Variants in TRAPPC8 observed in about 807,000 individuals in gnomAD.
The protein encoded by TRAPPC8 is trafficking protein particle complex subunit 8.
In TRAPPC8, 54 loss-of-function variants were observed where a neutral mutation model predicts 174.3. The observed-to-expected ratio is 0.31, with a 90% CI of 0.25 to 0.39. The LOEUF (loss-of-function observed/expected upper bound fraction) is 0.39. Ranked by LOEUF, TRAPPC8 falls within the 10% of genes least tolerant of loss-of-function variation. The probability of loss-of-function intolerance (pLI) is 1.00; values close to 1 mark genes in which losing one functional copy is unlikely to be tolerated. For missense variants in TRAPPC8, 1,531 were observed against 1,699.1 expected, an observed-to-expected ratio of 0.90 and a Z score of 1.74; for synonymous variants, 630 against 579.9, an observed-to-expected ratio of 1.09 and a Z score of -1.24.
At chr18:31,863,402 T>TAC (rs1358539585) in intron 19 of TRAPPC8, among the ~76,000 whole-genome samples, 1 of 152,188 alleles carries the variant, frequency 6.6e-6, no homozygotes, top group African/African-American at 2.4e-5. Flanking sequence ...ACAAAATATA[T>TAC]ACATGATATT....
intron 1 of TRAPPC8, among the ~76,000 whole-genome samples, chr18:31,941,745 T>C (rs761355043): frequency 6.6e-6 from 1 of 152,202 alleles, no homozygotes; most frequent in Non-Finnish European, 1.5e-5. Flanking sequence ...CACAGGCTTA[T>C]TATGAAACCC....
chr18:31,869,741 G>A (rs1405594829), intron 16 of TRAPPC8, among the ~76,000 whole-genome samples: 2 of 152,140 alleles, frequency 1.3e-5, no homozygotes, highest in East Asian at 3.8e-4. Context: ...AATGTAAAAA[G>A]CAACATACAC....
intron 5 of TRAPPC8, among the ~76,000 whole-genome samples, chr18:31,910,675 G>T (rs141869200): frequency 6.6e-6 from 1 of 152,294 alleles, no homozygotes; most frequent in East Asian, 1.9e-4. Flanking sequence ...GTCAACAGAC[G>T]CAGTCATTCG....
chr18:31,849,620 C>G lies in TRAPPC8; in HGVS notation c.3681G>C (p.Val1227=). The change falls in exon 25 of 29, where the codon GTG becomes GTC. Residue 1227 remains valine, a synonymous_variant. Coordinates refer to ENST00000283351, the MANE Select transcript of TRAPPC8 (RefSeq NM_014939.5). ...HTEKQSTEDA[V]RLIQKCSEVD... ...CCTCACTGCATTTTTGAATCAATCT[C>G]ACAGCATCCTCTGTTGACTGTTTTT... is the stretch of plus-strand genomic sequence containing the variant. The G allele has an allele frequency of 6.2e-7, 1 of 1,612,750 alleles. No homozygotes were observed. The highest frequency in any genetic ancestry group is 8.5e-7 in the Non-Finnish European group (1 of 1,179,540).
Position 31,907,429 on chromosome 18 carries a change from T to TTAAGGAATTA in TRAPPC8, c.1389+21_1389+30dup, listed in dbSNP as rs538109378. On this transcript the variant is annotated intron_variant, in intron 9 of 28. Coordinates refer to ENST00000283351, the MANE Select transcript of TRAPPC8 (RefSeq NM_014939.5). ...TTCTAAATAATTTATGGTAGCAGAA[T>TTAAGGAATTA]TAAGGAATTATAATACCATAGAATA... The TTAAGGAATTA allele has an allele frequency of 2.0e-6, 3 of 1,530,624 alleles. No individual in the cohort carries two copies. In the African/African-American group the frequency reaches 4.2e-5, roughly 21 times the overall value. 94.8% of individuals were successfully genotyped at this position (1,530,624 alleles called of 1,614,324 possible). A position where few individuals can be genotyped will look rare whatever the true frequency, so the allele number is the denominator to read the frequency against.
intron 1 of TRAPPC8, among the ~76,000 whole-genome samples, chr18:31,940,286 C>T (rs568689150): frequency 1.3e-5 from 2 of 151,866 alleles, no homozygotes; most frequent in South Asian, 4.2e-4. Flanking sequence ...ACCAGCCTGG[C>T]CAACATGGTG....
In TRAPPC8 at chr18:31,874,546, A is replaced by T; in HGVS notation, c.1887T>A (p.Ile629=). The change falls in exon 13 of 29, where the codon ATT becomes ATA. Residue 629 remains isoleucine, a synonymous_variant. Coordinates refer to ENST00000283351, the MANE Select transcript of TRAPPC8 (RefSeq NM_014939.5). ...GAGCAGCAGATTGTTTACTTTCATT[A>T]ATTAGAATATGCCTAAAAGCAGACA... is the stretch of plus-strand genomic sequence containing the variant. The part of the protein sequence containing the change: ...NAVSAFRHIL[I]NESKQSAAQQ... 1 of 1,614,162 alleles carries T rather than the reference A, an allele frequency of 6.2e-7. No individual in the cohort carries two copies.
chr18:31,911,979 T>C (rs942569714), intron 5 of TRAPPC8, among the ~76,000 whole-genome samples: 2 of 152,014 alleles, frequency 1.3e-5, no homozygotes, highest in Admixed American at 6.6e-5. Flanking sequence ...CGGCATACTA[T>C]TGTACCTTAG....
At chr18:31,891,571 A>C (rs2035955830) in intron 11 of TRAPPC8, among the ~76,000 whole-genome samples, 1 of 152,160 alleles carries the variant, frequency 6.6e-6, no homozygotes, top group Non-Finnish European at 1.5e-5. Context: ...CTTAAGACAA[A>C]TCTTTTGACT....
At chr18:31,888,568 A>T (rs1003112103) in intron 12 of TRAPPC8, among the ~76,000 whole-genome samples, 3 of 152,222 alleles carry the variant, frequency 2.0e-5, no homozygotes, top group African/African-American at 7.2e-5. Context: ...ACATACACAC[A>T]ATGGAATACT....
chr18:31,901,811 G>A (rs935774869), intron 9 of TRAPPC8, among the ~76,000 whole-genome samples: 2 of 152,176 alleles, frequency 1.3e-5, no homozygotes, highest in Admixed American at 6.5e-5. Context: ...TCCTTTGGGC[G>A]TCTACGTGAA....
At chr18:31,874,757 G>A in intron 12 of TRAPPC8, 53 bp from the exon 13 acceptor site, 1 of 1,486,540 alleles carries the variant, frequency 6.7e-7, no homozygotes, top group Non-Finnish European at 9.1e-7. Flanking sequence ...GTTTGAACTA[G>A]AAAAAACAAA....
chr18:31,901,927 C>T (rs1397977604), intron 9 of TRAPPC8, among the ~76,000 whole-genome samples: 1 of 152,144 alleles, frequency 6.6e-6, no homozygotes, highest in African/African-American at 2.4e-5. Flanking sequence ...TTTATTTTGT[C>T]CAGATTTTTT....
chr18:31,860,927 G>A (rs187948188), intron 19 of TRAPPC8, among the ~76,000 whole-genome samples: 58 of 152,214 alleles, frequency 3.8e-4, no homozygotes, highest in Admixed American at 6.5e-4. Flanking sequence ...TGAAAGTATA[G>A]CTTTTATCTG....
chr18:31,895,818 GTC>G (rs1167989501), intron 11 of TRAPPC8: 3 of 152,220 alleles, frequency 2.0e-5, no homozygotes, highest in African/African-American at 7.2e-5. Flanking sequence ...CAAATAGTTT[GTC>G]TGTTATCTGT....
At chr18:31,901,473 T>C (rs2036423111) in intron 9 of TRAPPC8, among the ~76,000 whole-genome samples, 1 of 152,202 alleles carries the variant, frequency 6.6e-6, no homozygotes, top group African/African-American at 2.4e-5. Flanking sequence ...CTTTCTACTT[T>C]CCAATTTCTG....
chr18:31,875,411 AGCCTGCCT>A (rs140528791), intron 12 of TRAPPC8, among the ~76,000 whole-genome samples: 4 of 151,396 alleles, frequency 2.6e-5, no homozygotes, highest in Non-Finnish European at 2.9e-5. Flanking sequence ...TGCTGATCCC[AGCCTGCCT>A]GCCTGCCTGC....
chr18:31,908,082 A>C (rs1271047492), intron 8 of TRAPPC8, among the ~76,000 whole-genome samples: 1 of 152,210 alleles, frequency 6.6e-6, no homozygotes, highest in Non-Finnish European at 1.5e-5. Context: ...CAAATAAGGA[A>C]ACAGACCAAA....
chr18:31,886,345 GAAAAA>G (rs397858057), intron 12 of TRAPPC8, among the ~76,000 whole-genome samples: 1 of 23,742 alleles, frequency 4.2e-5, no homozygotes, highest in African/African-American at 1.7e-4. Context: ...GTTTCTTGAG[GAAAAA>G]AAAAAAAAAA....
Sources: gnomAD v4.1 joint callset for allele counts (sites outside exome capture counted in the v4.1 genomes callset) on GRCh38, gnomAD v4.1.1 for gene constraint, MANE v1.5 for transcripts, NCBI Gene and HGNC (gene_info 2026-07-23, HGNC 2026-07-21) for gene names.